CAMTA1: variants seen among roughly 807,000 people sequenced by gnomAD.
The protein encoded by CAMTA1 is calmodulin binding transcription activator 1, also known as calmodulin-binding transcription activator 1.
CAMTA1 carries 27 observed loss-of-function variants against 170.9 expected under a neutral mutation model. That is an observed-to-expected ratio of 0.16 (90% confidence interval 0.12 to 0.22). The LOEUF is 0.22. Ranked by LOEUF, CAMTA1 falls within the 10% of genes least tolerant of loss-of-function variation. The pLI is 1.00. For synonymous variants in CAMTA1, 833 were observed against 891.5 expected (o/e 0.93, Z 1.17); for missense variants, 1,619 against 2,217.2 (o/e 0.73, Z 5.42).
chr1:7,283,705 A>T (rs1433271801), intron 5 of CAMTA1, among the ~76,000 whole-genome samples: 2 of 151,934 alleles, frequency 1.3e-5, no homozygotes, highest in Non-Finnish European at 2.9e-5. Context: ...GCCCTCTATC[A>T]CCCCCTTGTC....
intron 3 of CAMTA1, among the ~76,000 whole-genome samples, chr1:6,989,245 C>T (rs1215236229): frequency 6.6e-6 from 1 of 152,204 alleles, no homozygotes; most frequent in Non-Finnish European, 1.5e-5. Context: ...CAAGGAGTGC[C>T]ACACTCGATA....
intron 1 of CAMTA1, among the ~76,000 whole-genome samples, chr1:6,790,507 A>G (rs1028564052): frequency 2.0e-5 from 3 of 152,022 alleles, no homozygotes; most frequent in Non-Finnish European, 4.4e-5. Flanking sequence ...TTAATATTTG[A>G]ACGGCAGCAT....
intron 6 of CAMTA1, 109 bp from the exon 7 acceptor site, chr1:7,640,291 C>A (rs552545295): frequency 2.5e-6 from 3 of 1,209,486 alleles, no homozygotes; most frequent in Non-Finnish European, 1.2e-6. Context: ...TCAAGAGAGC[C>A]GGGTGTCTGG....
At chr1:7,601,937 G>C (rs906590625) in intron 6 of CAMTA1, among the ~76,000 whole-genome samples, 3 of 150,238 alleles carry the variant, frequency 2.0e-5, no homozygotes, top group South Asian at 2.1e-4. Context: ...CGTGGAAAGA[G>C]AGGGAGAGGG....
intron 3 of CAMTA1, among the ~76,000 whole-genome samples, chr1:7,078,124 C>A (rs1639553716): frequency 6.6e-6 from 1 of 152,244 alleles, no homozygotes; most frequent in African/African-American, 2.4e-5. Context: ...CATAGCTTAT[C>A]CCTTGTCCTT....
chr1:7,713,480 C>G (rs1333480713), intron 11 of CAMTA1, among the ~76,000 whole-genome samples: 2 of 146,778 alleles, frequency 1.4e-5, no homozygotes, highest in East Asian at 4.1e-4. Context: ...GTTTAAGAAA[C>G]ACACCTACTA....
At chr1:6,920,369 G>C (rs1681740833) in intron 3 of CAMTA1, among the ~76,000 whole-genome samples, 1 of 152,232 alleles carries the variant, frequency 6.6e-6, no homozygotes, top group South Asian at 2.1e-4. Context: ...GTCTTGGGCA[G>C]CTCCGCCCCT....
intron 11 of CAMTA1, among the ~76,000 whole-genome samples, chr1:7,728,187 G>A (rs2096705228): frequency 1.3e-5 from 2 of 152,260 alleles, no homozygotes; most frequent in African/African-American, 4.8e-5. Context: ...CACACACAGA[G>A]TCACTGTGAC....
Position 7,064,169 on chromosome 1 carries a change from CCTTCTT to C in CAMTA1, c.235-27129_235-27124del, listed in dbSNP as rs772248498. 4.0e-5 allele frequency among the ~76,000 whole-genome samples: 6 copies of C among 151,486 alleles called. No homozygotes were observed. The South Asian group carries it at 1.3e-3, about 32-fold the overall frequency. On this transcript the variant is annotated intron_variant, in intron 3 of 22. Transcript: ENST00000303635. The surrounding 1 kb of genome is among the most constrained non-coding windows in gnomAD (Gnocchi z 5.4). ...TCTCTTCTTCCCTCCTCCTCCTCTT[CCTTCTT>C]CTTCTCCTCCTCCTCCTCTTCTTTC...
At chr1:7,192,972 A>C (rs1654827539) in intron 4 of CAMTA1, among the ~76,000 whole-genome samples, 2 of 152,158 alleles carry the variant, frequency 1.3e-5, no homozygotes, top group African/African-American at 4.8e-5. Flanking sequence ...GCCAGGTGGC[A>C]CTGGGCAGGG....
chr1:7,535,044 GGGATGT>G (rs1251139743), intron 6 of CAMTA1, among the ~76,000 whole-genome samples: 1 of 152,164 alleles, frequency 6.6e-6, no homozygotes, highest in African/African-American at 2.4e-5. Flanking sequence ...GGAGATGGCT[GGGATGT>G]GGACACCACA....
chr1:7,206,135 A>G lies in CAMTA1; in HGVS notation c.303-43356A>G, dbSNP rs369768258. On this transcript the variant is annotated intron_variant, in intron 4 of 22. Transcript: ENST00000303635. Reference sequence around the variant, plus strand: ...GTATTTTTAGTGTCTGGTAGGGCTTATGTTCCCATTGAGGCTTTTCTGTGT... The same window carrying G: ...GTATTTTTAGTGTCTGGTAGGGCTTGTGTTCCCATTGAGGCTTTTCTGTGT... Among the ~76,000 whole-genome samples the G allele has an allele frequency of 7.2e-4, 109 of 152,250 alleles. 2 individuals carry two copies. The South Asian group carries it at 0.017, about 24-fold the overall frequency.
At chr1:7,315,524 A>T (rs1677360682) in intron 5 of CAMTA1, among the ~76,000 whole-genome samples, 1 of 152,216 alleles carries the variant, frequency 6.6e-6, no homozygotes, top group African/African-American at 2.4e-5. Flanking sequence ...GGCTGGGTCA[A>T]CATGGACAAC....
At chr1:6,927,488 TTAAA>T (rs1416763215) in intron 3 of CAMTA1, among the ~76,000 whole-genome samples, 1 of 152,266 alleles carries the variant, frequency 6.6e-6, no homozygotes. Context: ...AATTCCATTC[TTAAA>T]TAACCAAATT....
chr1:6,870,820 A>T (rs1668201233), intron 3 of CAMTA1, among the ~76,000 whole-genome samples: 2 of 152,246 alleles, frequency 1.3e-5, no homozygotes. Context: ...ACCAGGGAGC[A>T]TATAGCCTGC....
At chr1:6,849,157 A>T (rs1462300849) in intron 3 of CAMTA1, among the ~76,000 whole-genome samples, 6 of 152,174 alleles carry the variant, frequency 3.9e-5, no homozygotes, top group Non-Finnish European at 8.8e-5. Context: ...GGTGAAGGAG[A>T]GGAGAAATTC....
At chr1:7,492,905 G>A (rs114766474) in intron 6 of CAMTA1, among the ~76,000 whole-genome samples, 4,586 of 132,026 alleles carry the variant, frequency 0.035, 136 homozygotes, top group East Asian at 0.14. Context: ...ACATACACAC[G>A]TGCACACACA....
chr1:7,417,726 G>A lies in CAMTA1; in HGVS notation c.439-50104G>A, dbSNP rs150551646. Among the ~76,000 whole-genome samples the A allele has an allele frequency of 9.3e-3, 1,420 of 152,278 alleles. 22 individuals are homozygous for A. Among genetic ancestry groups the A allele is most frequent in the African/African-American group, 0.032 (1,331 of 41,550 alleles). On this transcript the variant is annotated intron_variant, in intron 5 of 22. Coordinates refer to ENST00000303635, the MANE Select transcript of CAMTA1 (RefSeq NM_015215.4). ...AACTCCCTGACCCCTTGTACTTCCC[G>A]AGTGAGGCAATGCCTCGCTGTGCTT...
intron 1 of CAMTA1, among the ~76,000 whole-genome samples, chr1:6,799,913 A>G (rs1052392436): frequency 1.3e-5 from 2 of 152,144 alleles, no homozygotes; most frequent in Non-Finnish European, 2.9e-5. Context: ...ATTTCATTTC[A>G]GGGCTTGCTT....
Sources: gnomAD v4.1 joint callset for allele counts (sites outside exome capture counted in the v4.1 genomes callset) on GRCh38, gnomAD v4.1.1 for gene constraint, Gnocchi (gnomAD v3.1) non-coding constraint, MANE v1.5 for transcripts, NCBI Gene and HGNC (gene_info 2026-07-23, HGNC 2026-07-21) for gene names.